The following ALK variants were observed in gnomAD, a reference collection of about 807,000 sequenced individuals.
The protein encoded by ALK is ALK receptor tyrosine kinase, also known as ALK tyrosine kinase receptor.
In ALK, 74 loss-of-function variants were observed where a neutral mutation model predicts 163.1. The ratio of observed to expected loss-of-function variants is 0.45; its 90% CI spans 0.38 to 0.55. The LOEUF is 0.55. ALK is among the 20% of genes least tolerant of loss of function. The pLI, the probability that ALK is intolerant of heterozygous loss-of-function variation, is 0.00. For missense variants in ALK, 2,063 were observed against 2,105.3 expected (o/e 0.98, Z 0.39); for synonymous variants, 960 against 843.2 (o/e 1.14, Z -2.40).
intron 4 of ALK, among the ~76,000 whole-genome samples, chr2:29,494,464 G>A (rs1260646198): frequency 2.0e-5 from 3 of 152,126 alleles, no homozygotes; most frequent in Non-Finnish European, 1.5e-5. Flanking sequence ...CTTTAAAACA[G>A]CAAACTTTCC....
chr2:29,645,704 G>A (rs1202320229), intron 3 of ALK, among the ~76,000 whole-genome samples: 1 of 152,004 alleles, frequency 6.6e-6, no homozygotes, highest in Non-Finnish European at 1.5e-5. Context: ...CCATCCAGTG[G>A]TCAACCCTCA....
At chr2:29,207,394 A>G (rs1042984522) in intron 25 of ALK, 122 bp from the exon 26 acceptor site, 9 of 775,944 alleles carry the variant, frequency 1.2e-5, no homozygotes, top group Non-Finnish European at 2.0e-5. Context: ...GAAATTAACC[A>G]TGAGTCCTTG....
intron 1 of ALK, among the ~76,000 whole-genome samples, chr2:29,772,096 A>G (rs1191024872): frequency 6.6e-6 from 1 of 152,184 alleles, no homozygotes; most frequent in Non-Finnish European, 1.5e-5. Context: ...ACCCACCCAG[A>G]TGGGAGCAGG....
At chr2:29,701,472 T>C (rs1291376313) in intron 2 of ALK, among the ~76,000 whole-genome samples, 1 of 152,136 alleles carries the variant, frequency 6.6e-6, no homozygotes, top group Non-Finnish European at 1.5e-5. Flanking sequence ...CCGTGAGCTT[T>C]GGAAGCAAAT....
chr2:29,296,571 T>C (rs572295337), intron 9 of ALK, among the ~76,000 whole-genome samples: 1 of 152,302 alleles, frequency 6.6e-6, no homozygotes, highest in African/African-American at 2.4e-5. Flanking sequence ...CAAACTGTTA[T>C]TTGGGGGAAA....
intron 1 of ALK, among the ~76,000 whole-genome samples, chr2:29,819,544 C>G (rs1014236544): frequency 6.6e-6 from 1 of 152,234 alleles, no homozygotes; most frequent in African/African-American, 2.4e-5. Context: ...CCTGCTCACC[C>G]AGGTGTTTTC....
intron 5 of ALK, among the ~76,000 whole-genome samples, chr2:29,362,952 C>T (rs1271233817): frequency 1.3e-5 from 2 of 152,158 alleles, no homozygotes; most frequent in African/African-American, 2.4e-5. Context: ...CAGTAACTCC[C>T]CATCTAGTAT....
intron 3 of ALK, among the ~76,000 whole-genome samples, chr2:29,664,187 T>C (rs1302720668): frequency 6.6e-6 from 1 of 152,114 alleles, no homozygotes; most frequent in Non-Finnish European, 1.5e-5. Flanking sequence ...ACAACAAAAG[T>C]GGCAATGATG....
At chr2:29,746,270 A>G (rs1315327779) in intron 1 of ALK, among the ~76,000 whole-genome samples, 1 of 152,266 alleles carries the variant, frequency 6.6e-6, no homozygotes, top group Non-Finnish European at 1.5e-5. Context: ...TGATTAAAAA[A>G]AATTAAAATG....
At position 29,521,588 on chromosome 2, in the gene ALK, C is replaced by T. The variant is rs150163377; in HGVS notation, c.1154+10327G>A. On this transcript the variant is annotated intron_variant, in intron 4 of 28. Coordinates refer to ENST00000389048, the MANE Select transcript of ALK (RefSeq NM_004304.5). Reference sequence around the variant, plus strand: ...GGAGTTTAGCCAGGCATATGTGTGTCGTTCCCTAAATAAAACAAAGAGGAA... The same window carrying T: ...GGAGTTTAGCCAGGCATATGTGTGTTGTTCCCTAAATAAAACAAAGAGGAA... Among the ~76,000 whole-genome samples the T allele has an allele frequency of 1.2e-4, 19 of 152,280 alleles. No individual in the cohort carries two copies. The East Asian group carries it at 2.1e-3, about 17-fold the overall frequency.
intron 1 of ALK, among the ~76,000 whole-genome samples, chr2:29,774,000 TA>T (rs1408892529): frequency 1.3e-5 from 2 of 152,202 alleles, no homozygotes. Context: ...CTAAAAGATA[TA>T]AATAAGACCC....
At chr2:29,756,620 C>T (rs1680539854) in intron 1 of ALK, among the ~76,000 whole-genome samples, 1 of 151,004 alleles carries the variant, frequency 6.6e-6, no homozygotes, top group African/African-American at 2.4e-5. Flanking sequence ...GCAATCTCTG[C>T]CTCCCGGCAG....
At chr2:29,213,771 C>G (rs1179313652) in intron 24 of ALK, among the ~76,000 whole-genome samples, 2 of 152,048 alleles carry the variant, frequency 1.3e-5, no homozygotes, top group Non-Finnish European at 2.9e-5. Context: ...ATTACTGGAG[C>G]CCAGAAATTC....
chr2:29,915,302 C>T (rs758247834), intron 1 of ALK, among the ~76,000 whole-genome samples: 16 of 152,234 alleles, frequency 1.1e-4, no homozygotes, highest in Non-Finnish European at 1.9e-4. Flanking sequence ...GGCACAATCT[C>T]AGCTCACTGA....
At chr2:29,652,708 G>A (rs1437114827) in intron 3 of ALK, among the ~76,000 whole-genome samples, 3 of 152,162 alleles carry the variant, frequency 2.0e-5, no homozygotes, top group East Asian at 3.9e-4. Flanking sequence ...AATCAATCAC[G>A]CTTAGGTAAT....
At chr2:29,740,762 G>T (rs1047426344) in intron 1 of ALK, among the ~76,000 whole-genome samples, 2 of 152,210 alleles carry the variant, frequency 1.3e-5, no homozygotes, top group African/African-American at 4.8e-5. Context: ...AGCACTTTGG[G>T]AGGCCAAGGT....
chr2:29,300,322 G>T (rs1309394636), intron 8 of ALK, among the ~76,000 whole-genome samples: 1 of 152,130 alleles, frequency 6.6e-6, no homozygotes, highest in African/African-American at 2.4e-5. Flanking sequence ...GCCGAGTCAG[G>T]TGGATCACTT....
intron 1 of ALK, among the ~76,000 whole-genome samples, chr2:29,733,665 G>C (rs925621500): frequency 9.2e-5 from 14 of 152,190 alleles, no homozygotes; most frequent in African/African-American, 3.4e-4. Flanking sequence ...TATTATTATA[G>C]AAAATAAAAT....
chr2:29,276,759 T>C (rs1406237), intron 9 of ALK, among the ~76,000 whole-genome samples: 137,068 of 152,230 alleles, frequency 0.9, 62,823 homozygotes, highest in Non-Finnish European at 0.99. Context: ...AATGATTCCA[T>C]TGATAGAAAA....
Sources: allele counts gnomAD v4.1 joint callset (sites outside exome capture counted in the v4.1 genomes callset), GRCh38; gene constraint gnomAD v4.1.1; transcripts MANE v1.5; gene names NCBI Gene and HGNC (gene_info 2026-07-23, HGNC 2026-07-21).